INSL6: variants seen among roughly 807,000 people sequenced by gnomAD.
The protein encoded by INSL6 is insulin-like peptide INSL6.
In INSL6, 16 loss-of-function variants were observed where a neutral mutation model predicts 9.4. That is an observed-to-expected ratio of 1.70 (90% CI 1.15 to 2.59). The LOEUF (loss-of-function observed/expected upper bound fraction) is 2.59, where lower values mean the gene tolerates loss of function less well. Ranked by LOEUF, INSL6 falls within the 30% of genes most tolerant of loss-of-function variation. The pLI is 0.00. For synonymous variants in INSL6, 154 were observed against 96.9 expected, an observed-to-expected ratio of 1.59 and a Z score of -3.46; for missense variants, 391 against 257.3, an observed-to-expected ratio of 1.52 and a Z score of -3.56.
At chr9:5,039,740 A>G in the INSL6 span, among the ~76,000 whole-genome samples, 2 of 152,164 alleles carry the variant, frequency 1.3e-5, no homozygotes. Flanking sequence ...TAACAATAGC[A>G]TAACAAATTT....
chr9:5,126,941 A>C (rs925471627), intron 3 of INSL6: 37 of 424,652 alleles, frequency 8.7e-5, no homozygotes, highest in African/African-American at 7.4e-4. Context: ...CAAAACTTTC[A>C]AAGTTTAGTA....
chr9:5,058,113 T>C, the INSL6 span, among the ~76,000 whole-genome samples: 1 of 152,232 alleles, frequency 6.6e-6, no homozygotes, highest in African/African-American at 2.4e-5. Context: ...GTCACTTTTT[T>C]ACTTTTTGAC....
chr9:5,066,751 A>C, the INSL6 span: 1 of 1,578,652 alleles, frequency 6.3e-7, no homozygotes, highest in Non-Finnish European at 8.6e-7. Context: ...ATGCAGTCCT[A>C]AGGACTTTAA....
intron 1 of INSL6, among the ~76,000 whole-genome samples, chr9:5,179,675 T>A (rs529921948): frequency 2.6e-5 from 4 of 152,354 alleles, no homozygotes; most frequent in South Asian, 2.1e-4. Context: ...TAAAAAAGAA[T>A]GAGATCATGT....
the INSL6 span, chr9:5,110,491 C>G: frequency 6.5e-6 from 1 of 154,794 alleles, no homozygotes; most frequent in African/African-American, 2.4e-5. Flanking sequence ...TTTATATGCT[C>G]AGGCTCCATC....
the INSL6 span, chr9:5,111,926 T>C: frequency 2.3e-5 from 8 of 348,010 alleles, no homozygotes; most frequent in African/African-American, 1.3e-4. Context: ...CAATCTACTC[T>C]CCGGATCACT....
the INSL6 span, among the ~76,000 whole-genome samples, chr9:5,019,366 C>G: frequency 2.0e-5 from 3 of 152,102 alleles, no homozygotes; most frequent in East Asian, 5.8e-4. Flanking sequence ...TCTTCAGTTT[C>G]AGGGTTTCTT....
chr9:5,130,462 A>C (rs1213182390), intron 3 of INSL6, among the ~76,000 whole-genome samples: 1 of 152,204 alleles, frequency 6.6e-6, no homozygotes, highest in African/African-American at 2.4e-5. Flanking sequence ...GCAGCTAAGA[A>C]GGCAAATTAT....
intron 2 of INSL6, among the ~76,000 whole-genome samples, chr9:5,139,968 A>G (rs1475769660): frequency 6.6e-6 from 1 of 152,186 alleles, no homozygotes; most frequent in African/African-American, 2.4e-5. Flanking sequence ...AGTTGAAAAT[A>G]GACTGAAATG....
At chr9:5,054,010 A>G in the INSL6 span, among the ~76,000 whole-genome samples, 1 of 152,108 alleles carries the variant, frequency 6.6e-6, no homozygotes, top group Non-Finnish European at 1.5e-5. The surrounding 1 kb of genome is among the most constrained non-coding windows in gnomAD (Gnocchi z 4.9). Context: ...AATGTACAGA[A>G]AAGTCAGAAT....
At chr9:5,044,524 T>C in the INSL6 span, 5 of 1,487,648 alleles carry the variant, frequency 3.4e-6, no homozygotes, top group Non-Finnish European at 4.6e-6. Context: ...TGCTCAGGTA[T>C]GATTATATTA....
chr9:5,031,974 G>T, the INSL6 span, among the ~76,000 whole-genome samples: 4 of 152,234 alleles, frequency 2.6e-5, no homozygotes, highest in Non-Finnish European at 4.4e-5. Flanking sequence ...CGCCACACCC[G>T]GGAAGCGCAA....
intron 1 of INSL6, among the ~76,000 whole-genome samples, chr9:5,179,986 T>C (rs1047518955): frequency 3.6e-4 from 55 of 152,174 alleles, no homozygotes; most frequent in African/African-American, 1.3e-3. Context: ...CCTGCACATG[T>C]ACTCCTGAAC....
chr9:5,038,780 A>G, the INSL6 span, among the ~76,000 whole-genome samples: 6 of 152,272 alleles, frequency 3.9e-5, no homozygotes, highest in East Asian at 1.2e-3. Context: ...AGGAATGCTC[A>G]GTTTGTTTAT....
At chr9:5,074,544 G>C in the INSL6 span, among the ~76,000 whole-genome samples, 1 of 152,272 alleles carries the variant, frequency 6.6e-6, no homozygotes, top group African/African-American at 2.4e-5. Flanking sequence ...CCCAAACAGA[G>C]AGAATATAAG....
At chr9:5,159,781 C>T (rs1208278868), downstream of INSL6, among the ~76,000 whole-genome samples, 1 of 152,218 alleles carries the variant, frequency 6.6e-6, no homozygotes, top group Non-Finnish European at 1.5e-5. Context: ...TTAATCTGCA[C>T]TATAGAACAA....
intron 1 of INSL6, among the ~76,000 whole-genome samples, chr9:5,177,909 T>C (rs1034561753): frequency 6.6e-6 from 1 of 152,078 alleles, no homozygotes; most frequent in Admixed American, 6.5e-5. Flanking sequence ...GGAGTCTCGC[T>C]CTGTCACCCA....
At chr9:5,081,776 C>A in the INSL6 span, 5 of 1,604,984 alleles carry the variant, frequency 3.1e-6, no homozygotes, top group Non-Finnish European at 4.3e-6. Flanking sequence ...AGGATAGGTG[C>A]CCTGGGGTTT....
the INSL6 span, among the ~76,000 whole-genome samples, chr9:5,086,819 G>A: frequency 1.3e-5 from 2 of 152,096 alleles, no homozygotes; most frequent in East Asian, 1.9e-4. Flanking sequence ...TTATTGGAAC[G>A]TAAATTGGTG....
Sources: allele counts gnomAD v4.1 joint callset (sites outside exome capture counted in the v4.1 genomes callset), GRCh38; gene constraint gnomAD v4.1.1; non-coding constraint Gnocchi (gnomAD v3.1); transcripts MANE v1.5; gene names NCBI Gene and HGNC (gene_info 2026-07-23, HGNC 2026-07-21).